The following KAT14 variants were observed in gnomAD, a reference collection of about 807,000 sequenced individuals.
The protein encoded by KAT14 is lysine acetyltransferase 14.
Under a neutral mutation model 78.4 loss-of-function variants are expected in KAT14, and 66 were observed. That is an observed-to-expected ratio of 0.84 (90% CI 0.69 to 1.03). The LOEUF (loss-of-function observed/expected upper bound fraction) is 1.03, where lower values mean the gene tolerates loss of function less well. KAT14 is among the 50% of genes least tolerant of loss of function. The pLI, the probability that KAT14 is intolerant of heterozygous loss-of-function variation, is 0.00. For missense variants in KAT14, 870 were observed against 972.5 expected, an observed-to-expected ratio of 0.89 and a Z score of 1.40; for synonymous variants, 344 against 359.4, an observed-to-expected ratio of 0.96 and a Z score of 0.48.
intron 1 of KAT14, 97 bp downstream of exon 1, chr20:18,138,148 C>G (rs996940926): frequency 3.1e-5 from 41 of 1,340,898 alleles, no homozygotes; most frequent in Admixed American, 4.1e-5. Context: ...AGCTCCTCTT[C>G]GTGTCTTTCC....
intron 7 of KAT14, among the ~76,000 whole-genome samples, chr20:18,171,956 C>T (rs991798381): frequency 2.0e-4 from 30 of 152,200 alleles, no homozygotes; most frequent in African/African-American, 7.2e-4. Flanking sequence ...AATATTGAGG[C>T]AAGAGCCTCT....
At chr20:18,181,872 G>C in intron 8 of KAT14, 26 bp downstream of exon 8, 1 of 1,612,438 alleles carries the variant, frequency 6.2e-7, no homozygotes, top group Non-Finnish European at 8.5e-7. Context: ...GAGGTGTGAT[G>C]TCAGGTGTGT....
At chr20:18,178,525 T>G (rs919044377) in intron 7 of KAT14, among the ~76,000 whole-genome samples, 5 of 152,186 alleles carry the variant, frequency 3.3e-5, no homozygotes, top group Admixed American at 2.0e-4. Flanking sequence ...AAGCCACTCT[T>G]ACATGGTGGT....
chr20:18,157,649 T>A (rs2038272333), intron 4 of KAT14, among the ~76,000 whole-genome samples: 1 of 152,146 alleles, frequency 6.6e-6, no homozygotes, highest in African/African-American at 2.4e-5. Flanking sequence ...CATTCTACTT[T>A]CTGTGTCTAT....
chr20:18,175,736 G>A (rs1395490500), intron 7 of KAT14, among the ~76,000 whole-genome samples: 4 of 151,766 alleles, frequency 2.6e-5, no homozygotes, highest in Admixed American at 1.3e-4. Context: ...AACATACACC[G>A]AGAGCCGAAA....
At chr20:18,184,493 T>G (rs56127806) in intron 9 of KAT14, 109 bp from the exon 10 acceptor site, 90,160 of 939,466 alleles carry the variant, frequency 0.096, 4,858 homozygotes, top group African/African-American at 0.23. Flanking sequence ...GTGTTTTTTT[T>G]TTTTTTTTTT....
At chr20:18,171,395 A>G (rs1039586408) in intron 7 of KAT14, among the ~76,000 whole-genome samples, 1 of 152,272 alleles carries the variant, frequency 6.6e-6, no homozygotes, top group African/African-American at 2.4e-5. Flanking sequence ...TAAAGATGCT[A>G]TGAACATTGT....
chr20:18,161,963 A>AAGG lies in KAT14; in HGVS notation c.827_829dup (p.Glu276dup). ...AGCAAAAGACATTAGAAGAGCCCAG[A>AAGG]AGGAGGCCGCTGGCTTTCTTGACAG... On this transcript the variant is annotated inframe_insertion, in exon 6 of 11. Coordinates refer to ENST00000688188, the MANE Select transcript of KAT14 (RefSeq NM_001392073.1). 1 of 1,614,274 alleles carries AAGG rather than the reference A, an allele frequency of 6.2e-7. No individual in the cohort carries two copies. Among genetic ancestry groups the AAGG allele is most frequent in the Non-Finnish European group, 8.5e-7 (1 of 1,180,050 alleles).
chr20:18,181,004 A>G (rs1190447546), intron 7 of KAT14, among the ~76,000 whole-genome samples: 2 of 152,120 alleles, frequency 1.3e-5, no homozygotes, highest in Non-Finnish European at 2.9e-5. Context: ...GCAATCATAT[A>G]ATATGACTCA....
At chr20:18,170,475 T>C (rs1292150016) in intron 7 of KAT14, among the ~76,000 whole-genome samples, 1 of 152,202 alleles carries the variant, frequency 6.6e-6, no homozygotes, top group Non-Finnish European at 1.5e-5. Flanking sequence ...AGCATATCTG[T>C]TTACAGCATG....
At chr20:18,159,740 C>G (rs904575836) in intron 5 of KAT14, among the ~76,000 whole-genome samples, 3 of 152,140 alleles carry the variant, frequency 2.0e-5, no homozygotes, top group Non-Finnish European at 4.4e-5. Context: ...TCCTAAATAT[C>G]TTAGTATGTA....
At chr20:18,180,748 C>G (rs1018909266) in intron 7 of KAT14, among the ~76,000 whole-genome samples, 26 of 151,908 alleles carry the variant, frequency 1.7e-4, no homozygotes, top group African/African-American at 6.3e-4. Context: ...AAGCAGAAAC[C>G]CCTGATTAAA....
intron 7 of KAT14, among the ~76,000 whole-genome samples, chr20:18,165,066 C>G (rs2038591708): frequency 6.6e-6 from 1 of 152,068 alleles, no homozygotes; most frequent in Non-Finnish European, 1.5e-5. Context: ...AATAAATGCC[C>G]ATGTATTCAT....
Position 18,142,846 on chromosome 20 carries a change from T to C in KAT14, c.186T>C (p.Asp62=), listed in dbSNP as rs1472649001. The change falls in exon 2 of 11, where the codon GAT becomes GAC. Residue 62 remains aspartate (D), a synonymous_variant. Transcript: ENST00000688188. ...AGAGTGGGGATTCCCTCAACAGTGA[T>C]GAAGGAGACGTGTCTTGGATGGAGG... ...HDQSGDSLNS[D]EGDVSWMEEQ... The C allele has an allele frequency of 6.8e-6, 11 of 1,614,156 alleles. No individual in the cohort carries two copies. The highest frequency in any genetic ancestry group is 9.3e-6 in the Non-Finnish European group (11 of 1,180,022).
At chr20:18,169,000 C>CT (rs557805687) in intron 7 of KAT14, among the ~76,000 whole-genome samples, 22 of 151,518 alleles carry the variant, frequency 1.5e-4, no homozygotes, top group African/African-American at 5.1e-4. Flanking sequence ...TTTTTTTCAT[C>CT]TTTTTTGTCT....
rs1193835089 is a variant in KAT14, at chr20:18,162,921, C to G, written c.1644C>G (p.Asp548Glu). The change falls in exon 7 of 11, where the codon GAC becomes GAG. Residue 548 changes from aspartate to glutamate, a missense_variant. Coordinates refer to ENST00000688188, the MANE Select transcript of KAT14 (RefSeq NM_001392073.1). ...GQATYRTTCQ[D>E]FRILDRYQTS... ...CCACGTACAGAACCACCTGTCAGGA[C>G]TTCAGAATCCTTGACCGATACCAGG... 1 of 1,614,096 alleles carries G rather than the reference C, an allele frequency of 6.2e-7. No individual in the cohort carries two copies. Among genetic ancestry groups the G allele is most frequent in the East Asian group, 2.2e-5 (1 of 44,876 alleles).
At chr20:18,137,854 C>T, upstream of KAT14, 2 of 1,208,194 alleles carry the variant, frequency 1.7e-6, no homozygotes, top group East Asian at 3.2e-5. Flanking sequence ...GCTCTGCGCT[C>T]GAGGGGTCGA....
chr20:18,164,817 G>A lies in KAT14; in HGVS notation c.1668+1872G>A, dbSNP rs112767408. ...TTAATTTTTATTTTTAGTAGAGACA[G>A]GGTCCTACTATCTTGCCCAGACTGA... On this transcript the variant is annotated intron_variant, in intron 7 of 10. Transcript: ENST00000688188. Among the ~76,000 whole-genome samples the A allele has an allele frequency of 7.9e-5, 12 of 151,820 alleles. 1 individual carries two copies. Among genetic ancestry groups the A allele is most frequent in the African/African-American group, 2.7e-4 (11 of 41,394 alleles).
chr20:18,183,039 A>C, intron 8 of KAT14, 84 bp from the exon 9 acceptor site: 1 of 1,509,998 alleles, frequency 6.6e-7, no homozygotes, highest in East Asian at 2.3e-5. Context: ...AAGCAGATCA[A>C]AGAGTTTATA....
Sources: gnomAD v4.1 joint callset for allele counts (sites outside exome capture counted in the v4.1 genomes callset) on GRCh38, gnomAD v4.1.1 for gene constraint, MANE v1.5 for transcripts, NCBI Gene and HGNC (gene_info 2026-07-23, HGNC 2026-07-21) for gene names.